The following LPXN variants were observed in gnomAD, a reference collection of about 807,000 sequenced individuals.
LPXN encodes the protein leupaxin.
A neutral mutation model predicts 45.6 loss-of-function variants in LPXN; 28 were observed. The observed-to-expected ratio is 0.61, with a 90% CI of 0.45 to 0.84. LPXN has a LOEUF of 0.84. LPXN is among the 40% of genes least tolerant of loss of function. The probability of loss-of-function intolerance (pLI) is 0.00; values close to 1 mark genes in which losing one functional copy is unlikely to be tolerated. For missense variants in LPXN, 459 were observed against 475.0 expected (o/e 0.97, Z 0.31); for synonymous variants, 166 against 169.9 (o/e 0.98, Z 0.18).
chr11:58,558,540 C>CAAAAAAAAAA (rs35870490), intron 3 of LPXN, among the ~76,000 whole-genome samples: 14 of 47,986 alleles, frequency 2.9e-4, no homozygotes, highest in South Asian at 7.8e-4. Flanking sequence ...GAGACCCTGT[C>CAAAAAAAAAA]AAAAAAAAAA....
intron 4 of LPXN, among the ~76,000 whole-genome samples, chr11:58,551,853 G>T (rs1453822218): frequency 6.6e-6 from 1 of 152,182 alleles, no homozygotes; most frequent in East Asian, 1.9e-4. Flanking sequence ...AGATACTTGG[G>T]ACTTAGAAAT....
intron 3 of LPXN, among the ~76,000 whole-genome samples, chr11:58,558,647 C>T (rs1043363307): frequency 6.6e-6 from 1 of 151,056 alleles, no homozygotes; most frequent in Admixed American, 6.6e-5. Flanking sequence ...GGCTCCTGCA[C>T]CTAAAAGAAC....
chr11:58,532,358 G>A (rs1055903378), intron 7 of LPXN, among the ~76,000 whole-genome samples: 1 of 152,256 alleles, frequency 6.6e-6, no homozygotes, highest in Non-Finnish European at 1.5e-5. Flanking sequence ...GGGCAGCTCC[G>A]CCCGCAGCCC....
chr11:58,561,027 A>G (rs1343598118), intron 3 of LPXN, among the ~76,000 whole-genome samples: 1 of 152,208 alleles, frequency 6.6e-6, no homozygotes, highest in East Asian at 1.9e-4. Context: ...AAAAGGTATA[A>G]AAAGGTAACT....
At chr11:58,575,584 C>G (rs1854859712) in intron 1 of LPXN, among the ~76,000 whole-genome samples, 176 bp downstream of exon 1, 1 of 152,176 alleles carries the variant, frequency 6.6e-6, no homozygotes, top group African/African-American at 2.4e-5. Context: ...CCATAGTTCC[C>G]CAAAACAATC....
intron 7 of LPXN, among the ~76,000 whole-genome samples, chr11:58,539,390 AT>A (rs746702471): frequency 3.3e-5 from 5 of 152,162 alleles, no homozygotes; most frequent in Non-Finnish European, 5.9e-5. Flanking sequence ...CCCAGAAATA[AT>A]GAACACTGCT....
chr11:58,539,349 T>C (rs1018202792), intron 7 of LPXN, among the ~76,000 whole-genome samples: 1 of 152,196 alleles, frequency 6.6e-6, no homozygotes, highest in African/African-American at 2.4e-5. Flanking sequence ...TCTGAAGCTC[T>C]GTCCACTGAA....
chr11:58,548,939 G>C (rs879699593), intron 7 of LPXN, among the ~76,000 whole-genome samples: 1 of 152,064 alleles, frequency 6.6e-6, no homozygotes, highest in Non-Finnish European at 1.5e-5. Context: ...CTGTAATTAT[G>C]ACATAATTAT....
intron 1 of LPXN, among the ~76,000 whole-genome samples, chr11:58,572,470 T>C (rs2134359376): frequency 6.6e-6 from 1 of 152,312 alleles, no homozygotes; most frequent in East Asian, 1.9e-4. Flanking sequence ...GAGAGACTTA[T>C]AATAAATTTC....
intron 7 of LPXN, among the ~76,000 whole-genome samples, chr11:58,547,794 T>A (rs1320902305): frequency 6.6e-6 from 1 of 152,226 alleles, no homozygotes; most frequent in Non-Finnish European, 1.5e-5. Flanking sequence ...TATTTAGAAC[T>A]GTTTTTTAAC....
intron 3 of LPXN, among the ~76,000 whole-genome samples, chr11:58,562,821 A>C (rs1854418967): frequency 6.6e-6 from 1 of 152,114 alleles, no homozygotes; most frequent in South Asian, 2.1e-4. Flanking sequence ...GTGGGGGGGA[A>C]ATGCCCTGGA....
chr11:58,542,046 G>T (rs957849988), intron 7 of LPXN, among the ~76,000 whole-genome samples: 1 of 151,722 alleles, frequency 6.6e-6, no homozygotes, highest in African/African-American at 2.4e-5. Flanking sequence ...GTTGTGGGGT[G>T]GGGGGAGTGG....
chr11:58,564,430 C>T (rs910786416), intron 2 of LPXN, among the ~76,000 whole-genome samples: 2 of 152,090 alleles, frequency 1.3e-5, no homozygotes, highest in African/African-American at 4.8e-5. Flanking sequence ...ACTAGCAGCC[C>T]CTCCTTGCCT....
chr11:58,572,062 A>G (rs1237285253), intron 1 of LPXN, among the ~76,000 whole-genome samples: 1 of 152,226 alleles, frequency 6.6e-6, no homozygotes, highest in Non-Finnish European at 1.5e-5. Flanking sequence ...TTTTCAAATT[A>G]TGGCTCAATA....
At chr11:58,539,893 A>C (rs1450039138) in intron 7 of LPXN, among the ~76,000 whole-genome samples, 1 of 152,204 alleles carries the variant, frequency 6.6e-6, no homozygotes, top group African/African-American at 2.4e-5. Flanking sequence ...TTTACTACCT[A>C]TTCCATTGGA....
chr11:58,542,638 G>A (rs886674993), intron 7 of LPXN, among the ~76,000 whole-genome samples: 32 of 151,876 alleles, frequency 2.1e-4, no homozygotes, highest in African/African-American at 7.5e-4. Flanking sequence ...ATGCTTCAGT[G>A]AAAATCTTTA....
chr11:58,540,705 T>G (rs529908782), intron 7 of LPXN, among the ~76,000 whole-genome samples: 77 of 152,274 alleles, frequency 5.1e-4, no homozygotes, highest in Non-Finnish European at 1.0e-3. Context: ...ATAAGAACTT[T>G]CTCTTTAATA....
intron 5 of LPXN, 136 bp from the exon 6 acceptor site, chr11:58,550,282 C>T: frequency 2.5e-6 from 2 of 806,766 alleles, no homozygotes; most frequent in South Asian, 1.7e-5. Context: ...AACACTGAGG[C>T]CTAGACCTAG....
rs1853252290 is a variant in LPXN at position 58,527,285 on chromosome 11, AT to A, written c.*168del. The A allele has an allele frequency of 1.6e-6, 1 of 635,300 alleles. No individual in the cohort carries two copies. Among genetic ancestry groups the A allele is most frequent in the Non-Finnish European group, 2.7e-6 (1 of 370,034 alleles). 39.4% of individuals were successfully genotyped at this position (635,300 alleles called of 1,614,324 possible). On this transcript the variant is annotated 3_prime_UTR_variant, in exon 9 of 9. Transcript: ENST00000395074. ...ACTGTATAGAAGCCTAAAAAATAAG[AT>A]TATCAGCCTAGTCATGTAAAGTCTA...
Sources: gnomAD v4.1 joint callset for allele counts (sites outside exome capture counted in the v4.1 genomes callset) on GRCh38, gnomAD v4.1.1 for gene constraint, MANE v1.5 for transcripts, NCBI Gene and HGNC (gene_info 2026-07-23, HGNC 2026-07-21) for gene names.